The following KDM4C variants were observed in gnomAD, a reference collection of about 807,000 sequenced individuals.
KDM4C encodes lysine-specific demethylase 4C.
KDM4C carries 81 observed loss-of-function variants against 129.3 expected under a neutral mutation model. The ratio of observed to expected loss-of-function variants is 0.63; its 90% CI spans 0.52 to 0.75. The LOEUF is 0.75. Ranked by LOEUF, KDM4C falls within the 30% of genes least tolerant of loss-of-function variation. The probability of loss-of-function intolerance (pLI) is 0.00; values close to 1 mark genes in which losing one functional copy is unlikely to be tolerated. For missense variants in KDM4C, 1,457 were observed against 1,304.0 expected, an observed-to-expected ratio of 1.12 and a Z score of -1.81; for synonymous variants, 573 against 456.1, an observed-to-expected ratio of 1.26 and a Z score of -3.26.
At chr9:7,061,927 G>A (rs563025224) in intron 17 of KDM4C, among the ~76,000 whole-genome samples, 20 of 152,316 alleles carry the variant, frequency 1.3e-4, no homozygotes, top group African/African-American at 4.3e-4. Context: ...GAGACACCTG[G>A]TATCACCAGT....
At chr9:6,782,902 C>T (rs974852411) in intron 1 of KDM4C, among the ~76,000 whole-genome samples, 2 of 152,068 alleles carry the variant, frequency 1.3e-5, no homozygotes, top group Admixed American at 6.6e-5. Flanking sequence ...AGAAGTCACT[C>T]GGGATAGTAA....
intron 19 of KDM4C, among the ~76,000 whole-genome samples, chr9:7,147,734 A>G (rs1842343950): frequency 6.6e-6 from 1 of 152,248 alleles, no homozygotes; most frequent in African/African-American, 2.4e-5. Flanking sequence ...TGTGGCAGGC[A>G]GACCCAGGGT....
At chr9:7,017,652 G>A (rs957253839) in intron 15 of KDM4C, among the ~76,000 whole-genome samples, 1 of 152,104 alleles carries the variant, frequency 6.6e-6, no homozygotes, top group African/African-American at 2.4e-5. Flanking sequence ...CGAACAATCA[G>A]ACCTCAGCAG....
chr9:6,844,245 CA>C (rs1389418913), intron 4 of KDM4C, among the ~76,000 whole-genome samples: 3 of 152,082 alleles, frequency 2.0e-5, no homozygotes, highest in African/African-American at 7.2e-5. Flanking sequence ...TCTTCATTTA[CA>C]AATATCTTTT....
intron 8 of KDM4C, among the ~76,000 whole-genome samples, chr9:6,926,040 C>G (rs1589138424): frequency 6.6e-6 from 1 of 152,226 alleles, no homozygotes; most frequent in African/African-American, 2.4e-5. Context: ...CCGCTGCGAA[C>G]TGTAAAAGCT....
At chr9:6,795,331 TTG>T (rs1433086470) in intron 2 of KDM4C, among the ~76,000 whole-genome samples, 3 of 152,086 alleles carry the variant, frequency 2.0e-5, no homozygotes, top group Non-Finnish European at 2.9e-5. Context: ...TATATATTTT[TTG>T]TTGTTGTTTC....
At chr9:7,130,145 C>T (rs1840458305) in intron 19 of KDM4C, among the ~76,000 whole-genome samples, 1 of 152,166 alleles carries the variant, frequency 6.6e-6, no homozygotes, top group Admixed American at 6.5e-5. Flanking sequence ...CTTGTGAAGA[C>T]TGTGAATATT....
At position 6,758,648 on chromosome 9, in the gene KDM4C, C is replaced by T. The variant is rs1269341230; in HGVS notation, c.-18+445C>T. On this transcript the variant is annotated intron_variant, in intron 1 of 21. Transcript: ENST00000381309. This position sits in a 1 kb window ranked among gnomAD's most constrained non-coding sequence, Gnocchi z 4.6. ...ACGACCCGCGGGGTGAGGGTGGGAG[C>T]TCCTCTCCTGACCACCCGTTGCAGG... is the stretch of plus-strand genomic sequence containing the variant. Among the ~76,000 whole-genome samples, 1 of 152,218 alleles carries T rather than the reference C, an allele frequency of 6.6e-6. No individual in the cohort carries two copies. The highest frequency in any genetic ancestry group is 1.5e-5 in the Non-Finnish European group (1 of 68,026).
At chr9:6,827,193 C>G (rs1307272802) in intron 4 of KDM4C, among the ~76,000 whole-genome samples, 13 of 152,234 alleles carry the variant, frequency 8.5e-5, no homozygotes, top group Non-Finnish European at 7.3e-5. Context: ...TAATCAATGT[C>G]TGCCATTCCT....
At chr9:6,876,910 A>G (rs998599445) in intron 5 of KDM4C, among the ~76,000 whole-genome samples, 4 of 152,222 alleles carry the variant, frequency 2.6e-5, no homozygotes, top group African/African-American at 9.6e-5. Context: ...CTTCGCATAC[A>G]CAAATCTATC....
chr9:6,953,446 C>A (rs1484527037), intron 8 of KDM4C, among the ~76,000 whole-genome samples: 1 of 152,202 alleles, frequency 6.6e-6, no homozygotes, highest in Admixed American at 6.5e-5. Flanking sequence ...ACTTGCAATG[C>A]AATAATCTGA....
intron 1 of KDM4C, among the ~76,000 whole-genome samples, chr9:6,749,974 G>T (rs1158871197): frequency 6.1e-5 from 5 of 82,592 alleles, no homozygotes; most frequent in South Asian, 4.3e-4. Flanking sequence ...CAACAACAGT[G>T]AAACTCCTTC....
intron 17 of KDM4C, among the ~76,000 whole-genome samples, chr9:7,078,051 G>A (rs1463952785): frequency 6.6e-6 from 1 of 152,040 alleles, no homozygotes; most frequent in African/African-American, 2.4e-5. Context: ...GTTTTGATGA[G>A]AAAAAAATTA....
At chr9:6,786,972 A>G (rs1825624496) in intron 1 of KDM4C, among the ~76,000 whole-genome samples, 1 of 152,218 alleles carries the variant, frequency 6.6e-6, no homozygotes, top group Non-Finnish European at 1.5e-5. Flanking sequence ...ACATATTTAA[A>G]ATTTTATGAT....
intron 15 of KDM4C, among the ~76,000 whole-genome samples, chr9:7,016,827 C>T (rs1489024855): frequency 6.6e-6 from 1 of 152,110 alleles, no homozygotes; most frequent in Admixed American, 6.5e-5. Flanking sequence ...AATTTTTCTT[C>T]ATTTTCTTGT....
intron 17 of KDM4C, among the ~76,000 whole-genome samples, chr9:7,064,184 C>T (rs887880977): frequency 8.6e-5 from 13 of 151,956 alleles, no homozygotes; most frequent in African/African-American, 3.1e-4. Context: ...ATTTAGTATC[C>T]GAACTGAGAT....
chr9:6,781,550 A>C (rs1251103931), intron 1 of KDM4C, among the ~76,000 whole-genome samples: 1 of 152,182 alleles, frequency 6.6e-6, no homozygotes, highest in Non-Finnish European at 1.5e-5. Context: ...TTGTACTTAG[A>C]AACACAAGAC....
In KDM4C at chr9:6,946,838, CATT is replaced by C. The variant is rs761403987; in HGVS notation, c.922-34083_922-34081del. Among the ~76,000 whole-genome samples the C allele has an allele frequency of 9.3e-4, 141 of 152,042 alleles. 1 individual carries two copies. Among genetic ancestry groups the C allele is most frequent in the Middle Eastern group, 3.4e-3 (1 of 294 alleles). The stretch of plus-strand genomic sequence containing the variant: ...ATTGAATTATTAAATAATTCTAAAA[CATT>C]ATTTTTTGTTTCCTTTTTTCTTTTG... On this transcript the variant is annotated intron_variant, in intron 8 of 21. Transcript: ENST00000381309.
At chr9:6,784,115 T>C (rs749566563) in intron 1 of KDM4C, among the ~76,000 whole-genome samples, 6 of 152,148 alleles carry the variant, frequency 3.9e-5, no homozygotes, top group Non-Finnish European at 8.8e-5. Context: ...AGCCTGGCAA[T>C]ATGCTAAATT....
Sources: allele counts gnomAD v4.1 joint callset (sites outside exome capture counted in the v4.1 genomes callset), GRCh38; gene constraint gnomAD v4.1.1; non-coding constraint Gnocchi (gnomAD v3.1); transcripts MANE v1.5; gene names NCBI Gene and HGNC (gene_info 2026-07-23, HGNC 2026-07-21).